Variants in COL6A2 observed in about 807,000 individuals in gnomAD.
COL6A2 encodes collagen alpha-2(VI) chain.
COL6A2 carries 90 observed loss-of-function variants against 124.9 expected under a neutral mutation model. That is an observed-to-expected ratio of 0.72 (90% CI 0.61 to 0.86). The LOEUF is 0.86. COL6A2 is among the 40% of genes least tolerant of loss of function. The pLI is 0.00. For synonymous variants in COL6A2, 793 were observed against 618.2 expected, an observed-to-expected ratio of 1.28 and a Z score of -4.19; for missense variants, 1,607 against 1,502.5, an observed-to-expected ratio of 1.07 and a Z score of -1.15.
chr21:46,124,830 G>A, intron 22 of COL6A2, 55 bp from the exon 23 acceptor site: 13 of 1,609,192 alleles, frequency 8.1e-6, no homozygotes, highest in Non-Finnish European at 1.1e-5. Context: ...GCCTGGGAGA[G>A]ACTCAGCCAC....
chr21:46,128,663 G>A (rs1246446481), intron 27 of COL6A2, among the ~76,000 whole-genome samples: 3 of 152,230 alleles, frequency 2.0e-5, no homozygotes, highest in Admixed American at 6.5e-5. Flanking sequence ...AGCTGCATAG[G>A]GGCCACAGCG....
intron 21 of COL6A2, among the ~76,000 whole-genome samples, chr21:46,124,227 G>A (rs2078622896): frequency 6.7e-6 from 1 of 150,184 alleles, no homozygotes; most frequent in African/African-American, 2.4e-5. Context: ...GATGGATGAT[G>A]GATGGGTGAC....
chr21:46,129,261 A>C lies in COL6A2; in HGVS notation c.2462-2693A>C, dbSNP rs766841093. 9.3e-6 allele frequency: 15 copies of C among 1,612,668 alleles called. 1 individual carries two copies. The highest frequency in any genetic ancestry group is 1.6e-4 in the Middle Eastern group (1 of 6,084). ...CCGCACGGAAGAGGGGCCGGACGCC[A>C]CCTTCCCCAGGACCATTCCCCTGAT... On this transcript the variant is annotated intron_variant, in intron 27 of 27. Coordinates refer to ENST00000300527, the MANE Select transcript of COL6A2 (RefSeq NM_001849.4).
intron 21 of COL6A2, among the ~76,000 whole-genome samples, 191 bp from the exon 22 acceptor site, chr21:46,124,460 A>G (rs1601245617): frequency 1.3e-5 from 2 of 151,936 alleles, no homozygotes; most frequent in East Asian, 3.9e-4. Flanking sequence ...GACGGTGGCC[A>G]CTCATGGCCT....
In COL6A2 at chr21:46,119,926, A is replaced by G. The variant is rs2123640228; in HGVS notation, c.1332+76A>G. 5.3e-6 allele frequency: 7 copies of G among 1,323,012 alleles called. No individual in the cohort carries two copies. In the East Asian group the frequency reaches 1.3e-4, roughly 24 times the overall value. The allele number at this position is 1,323,012 out of a possible 1,614,324, so 82.0% of individuals were successfully genotyped here. On this transcript the variant is annotated intron_variant, in intron 15 of 27. Transcript: ENST00000300527. Reference sequence around the variant, plus strand: ...CCCTGCTGACGAGGGCCCCAACCCCATTCCTCCCAGAGAACAACAGAACCC... The same window carrying G: ...CCCTGCTGACGAGGGCCCCAACCCCGTTCCTCCCAGAGAACAACAGAACCC...
Position 46,119,090 on chromosome 21 carries a change from C to T in COL6A2, c.1240C>T (p.Pro414Ser), listed in dbSNP as rs764162312. 2.5e-6 allele frequency: 4 copies of T among 1,612,478 alleles called. No individual in the cohort carries two copies. The highest frequency in any genetic ancestry group is 3.4e-6 in the Non-Finnish European group (4 of 1,179,858). The change falls in exon 14 of 28, where the codon CCT becomes TCT. Residue 414 changes from proline (P) to serine (S), a missense_variant. Physicochemically the swap from Pro to Ser is moderately conservative, Grantham distance 74 (BLOSUM62 -1). Coordinates refer to ENST00000300527, the MANE Select transcript of COL6A2 (RefSeq NM_001849.4). Reference protein sequence around the residue: ...SPGVKGAKGGPGPRGPKGEPG... With the variant: ...SPGVKGAKGGSGPRGPKGEPG... ...TGGTGTGAAAGGAGCCAAGGGCGGG[C>T]CTGGGCCCCGCGGACCCAAAGGCGA...
chr21:46,122,112 A>T lies in COL6A2; in HGVS notation c.1526A>T (p.Asp509Val), dbSNP rs763048343. 1.9e-6 allele frequency: 3 copies of T among 1,612,292 alleles called. No homozygotes were observed. Among genetic ancestry groups the T allele is most frequent in the Admixed American group, 1.7e-5 (1 of 59,968 alleles). Residue 509 changes from aspartate to valine, a missense_variant, in exon 19 of 28, where the codon GAC (aspartate) becomes GTC (valine). Around this residue, in one of 3 missense-constraint regions of COL6A2, gnomAD observed 1,223 missense variants for 1,052.2 expected, o/e 1.16. Coordinates refer to ENST00000300527, the MANE Select transcript of COL6A2 (RefSeq NM_001849.4). ...CGACTCAACGTCCTCCTCCAGGGAG[A>T]CCCCGGCAGGCCTGGATTCAGCTAC... ...GDSGQPGPKG[D>V]PGRPGFSYPG... is the part of the protein sequence containing the mutation.
chr21:46,109,810 A>G (rs929949663), intron 1 of COL6A2, among the ~76,000 whole-genome samples: 6 of 152,278 alleles, frequency 3.9e-5, no homozygotes, highest in East Asian at 3.9e-4. Flanking sequence ...CCAGGCCTAC[A>G]AGGGAAAGAG....
chr21:46,103,828 C>T (rs1258792487), intron 1 of COL6A2, among the ~76,000 whole-genome samples: 1 of 152,108 alleles, frequency 6.6e-6, no homozygotes, highest in Non-Finnish European at 1.5e-5. Flanking sequence ...CATTGCAAGC[C>T]CTTCTCCGTC....
rs2078464654 is a variant in COL6A2, at chr21:46,115,990, G to C, written c.856-19G>C. 1.2e-6 allele frequency: 2 copies of C among 1,611,916 alleles called. No individual in the cohort carries two copies. The highest frequency in any genetic ancestry group is 1.1e-5 in the South Asian group (1 of 90,922). ...AGCGCCCCAGGGCTGGGCTCACACTGCTGCGTTGTCCTTCACAGGGAGACC... is the reference window on the plus strand; with the variant it reads ...AGCGCCCCAGGGCTGGGCTCACACTCCTGCGTTGTCCTTCACAGGGAGACC... On this transcript the variant is annotated intron_variant, in intron 6 of 27. Coordinates refer to ENST00000300527, the MANE Select transcript of COL6A2 (RefSeq NM_001849.4).
intron 4 of COL6A2, 49 bp downstream of exon 4, chr21:46,112,873 C>G: frequency 6.2e-7 from 1 of 1,612,296 alleles, no homozygotes; most frequent in Non-Finnish European, 8.5e-7. Flanking sequence ...GCTGACCCAG[C>G]AGAGATGACC....
intron 16 of COL6A2, among the ~76,000 whole-genome samples, 163 bp downstream of exon 16, chr21:46,120,740 G>A (rs1295852082): frequency 6.6e-6 from 1 of 151,706 alleles, no homozygotes; most frequent in South Asian, 2.1e-4. Context: ...TATACCTCAA[G>A]GTAGGGGACC....
intron 11 of COL6A2, 94 bp downstream of exon 11, chr21:46,117,547 G>T: frequency 7.9e-7 from 1 of 1,269,966 alleles, no homozygotes; most frequent in Admixed American, 1.9e-5. Context: ...GTGGGAGCGT[G>T]GGTTCTCCCG....
At chr21:46,126,967 G>T (rs1488449482) in intron 27 of COL6A2, among the ~76,000 whole-genome samples, 2 of 152,060 alleles carry the variant, frequency 1.3e-5, no homozygotes, top group Admixed American at 1.3e-4. Flanking sequence ...GCACCAGCAG[G>T]TCTTGCTCCA....
At chr21:46,099,931 A>G (rs2078271328) in intron 1 of COL6A2, among the ~76,000 whole-genome samples, 1 of 132,918 alleles carries the variant, frequency 7.5e-6, no homozygotes, top group Non-Finnish European at 1.6e-5. Flanking sequence ...ATAGATAAGG[A>G]ATGATGCCTT....
intron 1 of COL6A2, among the ~76,000 whole-genome samples, chr21:46,109,943 A>C (rs1010369911): frequency 6.6e-6 from 1 of 152,208 alleles, no homozygotes; most frequent in Non-Finnish European, 1.5e-5. Flanking sequence ...GAAGGCCCAG[A>C]TCCACAGCCA....
At chr21:46,115,382 T>TA (rs2078455809) in intron 5 of COL6A2, among the ~76,000 whole-genome samples, 1 of 152,282 alleles carries the variant, frequency 6.6e-6, no homozygotes, top group South Asian at 2.1e-4. Context: ...TATCAATAAA[T>TA]AGATGAATTT....
rs932183296 is a variant in COL6A2 at position 46,116,923 on chromosome 21, G to A, written c.999+109G>A. ...TGTCAGCTTACACATGTGTACACAC[G>A]CATACACACACACACACACACACAC... On this transcript the variant is annotated intron_variant, in intron 10 of 27. Coordinates refer to ENST00000300527, the MANE Select transcript of COL6A2 (RefSeq NM_001849.4). The surrounding 1 kb of genome is among the most constrained non-coding windows in gnomAD (Gnocchi z 4.6). The A allele has an allele frequency of 3.1e-5, 20 of 643,208 alleles. No homozygotes were observed. The highest frequency in any genetic ancestry group is 6.6e-5 in the Admixed American group (2 of 30,216). 39.8% of individuals were successfully genotyped at this position (643,208 alleles called of 1,614,324 possible).
In COL6A2 at chr21:46,125,890, A is replaced by G; in HGVS notation, c.2075A>G (p.Lys692Arg). 1 of 1,613,212 alleles carries G rather than the reference A, an allele frequency of 6.2e-7. No homozygotes were observed. The highest frequency in any genetic ancestry group is 8.5e-7 in the Non-Finnish European group (1 of 1,179,984). Residue 692 changes from lysine (K) to arginine (R), a missense_variant, in exon 26 of 28, where the codon AAG becomes AGG. Physicochemically the swap from Lys to Arg is conservative, Grantham distance 26. Coordinates refer to ENST00000300527, the MANE Select transcript of COL6A2 (RefSeq NM_001849.4). ...CTGTCGAGCTTCAAGGAGGCTGTCA[A>G]GAACCTCGAGTGGATTGCGGGCGGC... Reference protein sequence around the residue: ...DSLSSFKEAVKNLEWIAGGTW... With the variant: ...DSLSSFKEAVRNLEWIAGGTW...
Sources: gnomAD v4.1 joint callset for allele counts (sites outside exome capture counted in the v4.1 genomes callset) on GRCh38, gnomAD v4.1.1 for gene constraint, gnomAD v4.1.1 regional missense constraint, Gnocchi (gnomAD v3.1) non-coding constraint, MANE v1.5 for transcripts, NCBI Gene and HGNC (gene_info 2026-07-23, HGNC 2026-07-21) for gene names.